The following CHD1L variants were observed in gnomAD, a reference collection of about 807,000 sequenced individuals.
The protein encoded by CHD1L is chromodomain helicase DNA binding protein 1 like.
A neutral mutation model predicts 115.9 loss-of-function variants in CHD1L; 118 were observed. The ratio of observed to expected loss-of-function variants is 1.02; its 90% confidence interval spans 0.88 to 1.19. CHD1L has a LOEUF of 1.19. CHD1L is among the 50% of genes most tolerant of loss of function. The pLI is 0.00. For missense variants in CHD1L, 1,179 were observed against 1,065.3 expected, an observed-to-expected ratio of 1.11 and a Z score of -1.49; for synonymous variants, 411 against 387.1, an observed-to-expected ratio of 1.06 and a Z score of -0.72.
intron 11 of CHD1L, among the ~76,000 whole-genome samples, 183 bp from the exon 12 acceptor site, chr1:147,271,988 A>G (rs2102675793): frequency 6.6e-6 from 1 of 152,340 alleles, no homozygotes. Context: ...ATGGTGAGTT[A>G]TTTTGTAAAA....
chr1:147,193,528 T>A, the CHD1L span, among the ~76,000 whole-genome samples: 1 of 152,178 alleles, frequency 6.6e-6, no homozygotes, highest in Non-Finnish European at 1.5e-5. Flanking sequence ...CTGATTTTAG[T>A]TATTTCTTGC....
Position 147,259,916 on chromosome 1 carries a change from G to C in CHD1L, c.574G>C (p.Glu192Gln). ...QSSLLHKTLSEFSVVFSLLLT... is the reference protein window; with the variant it reads ...QSSLLHKTLSQFSVVFSLLLT... ...CTCCCTGCTGCATAAGACCTTGTCA[G>C]AGGTAAACTTACAGTGTAGCCTTAG... The change falls in exon 6 of 23, where the codon GAG becomes CAG. Residue 192 changes from glutamate to glutamine, a missense_variant and splice_region_variant. Physicochemically the swap from Glu to Gln is conservative, Grantham distance 29. Transcript: ENST00000369258. 6.2e-7 allele frequency: 1 copy of C among 1,612,260 alleles called. No individual in the cohort carries two copies. The highest frequency in any genetic ancestry group is 1.1e-5 in the South Asian group (1 of 90,934).
intron 1 of CHD1L, among the ~76,000 whole-genome samples, chr1:147,252,285 G>T (rs1668640928): frequency 6.6e-6 from 1 of 152,182 alleles, no homozygotes; most frequent in South Asian, 2.1e-4. Flanking sequence ...TTGTTAAGTT[G>T]CATCAGTAAT....
the CHD1L span, among the ~76,000 whole-genome samples, chr1:147,228,637 G>A: frequency 2.0e-5 from 3 of 152,212 alleles, no homozygotes; most frequent in Admixed American, 2.0e-4. Flanking sequence ...CAGTGTAAAA[G>A]TGTTCCTATT....
At chr1:147,262,916 T>G (rs1672477908) in intron 6 of CHD1L, among the ~76,000 whole-genome samples, 1 of 152,170 alleles carries the variant, frequency 6.6e-6, no homozygotes, top group Non-Finnish European at 1.5e-5. Flanking sequence ...TAATGGTGTA[T>G]GTGCTGCCAT....
At position 147,259,876 on chromosome 1, in the gene CHD1L, G is replaced by T; in HGVS notation, c.534G>T (p.Arg178Ser). ...WSVLVVDEAH[R>S]LKNQSSLLHK... is the part of the protein sequence containing the mutation. ...TTCTTGTTGTGGATGAAGCTCACAGGTTGAAAAACCAAAGCTCCCTGCTGC... is the reference window on the plus strand; with the variant it reads ...TTCTTGTTGTGGATGAAGCTCACAGTTTGAAAAACCAAAGCTCCCTGCTGC... The change falls in exon 6 of 23, where the codon AGG becomes AGT. Residue 178 changes from arginine to serine, a missense_variant. Coordinates refer to ENST00000369258, the MANE Select transcript of CHD1L (RefSeq NM_004284.6). 1 of 1,613,856 alleles carries T rather than the reference G, an allele frequency of 6.2e-7. No individual in the cohort carries two copies. Among genetic ancestry groups the T allele is most frequent in the Non-Finnish European group, 8.5e-7 (1 of 1,179,808 alleles).
the CHD1L span, among the ~76,000 whole-genome samples, chr1:147,228,656 T>A: frequency 6.6e-6 from 1 of 152,190 alleles, no homozygotes; most frequent in Non-Finnish European, 1.5e-5. Context: ...TTTCTCCACA[T>A]CCTCTCCAGC....
At position 147,286,422 on chromosome 1, in the gene CHD1L, A is replaced by G; in HGVS notation, c.2143A>G (p.Thr715Ala). 1.9e-6 allele frequency: 3 copies of G among 1,614,116 alleles called. No individual in the cohort carries two copies. The highest frequency in any genetic ancestry group is 1.7e-4 in the Middle Eastern group (1 of 6,046). ...AELDYQDPDA[T>A]SLKYVSGDVT... ...GCTGGATTACCAAGACCCAGATGCT[A>G]CTTCCCTCAAGTACGTTAGTGGTGA... The change falls in exon 18 of 23, where the codon ACT (threonine) becomes GCT (alanine). Residue 715 changes from threonine (T) to alanine (A), a missense_variant. Transcript: ENST00000369258.
chr1:147,202,419 A>C, the CHD1L span, among the ~76,000 whole-genome samples: 1 of 145,952 alleles, frequency 6.9e-6, no homozygotes, highest in Non-Finnish European at 1.5e-5. Flanking sequence ...TCCCAGGTTC[A>C]AGTGATTCTG....
At chr1:147,212,990 G>A in the CHD1L span, among the ~76,000 whole-genome samples, 2 of 151,736 alleles carry the variant, frequency 1.3e-5, no homozygotes, top group African/African-American at 4.8e-5. Context: ...CAATATTTGT[G>A]TTTACTGCTG....
At chr1:147,198,925 A>T in the CHD1L span, among the ~76,000 whole-genome samples, 2 of 151,490 alleles carry the variant, frequency 1.3e-5, no homozygotes, top group African/African-American at 4.8e-5. Flanking sequence ...TTGTGGAGGA[A>T]CTTTAATGCC....
At chr1:147,183,108 G>A in the CHD1L span, among the ~76,000 whole-genome samples, 1 of 152,192 alleles carries the variant, frequency 6.6e-6, no homozygotes, top group Admixed American at 6.5e-5. Context: ...TGAGGCAGGA[G>A]AATGGCGTGA....
chr1:147,246,196 CT>C (rs1197138022), intron 1 of CHD1L, among the ~76,000 whole-genome samples: 4 of 152,168 alleles, frequency 2.6e-5, no homozygotes, highest in Admixed American at 1.3e-4. Context: ...GAGTAATTCT[CT>C]GGAGATTCAT....
At chr1:147,203,729 A>T in the CHD1L span, 3 of 1,533,446 alleles carry the variant, frequency 2.0e-6, no homozygotes, top group African/African-American at 2.7e-5. Context: ...ATCCCTTGTA[A>T]GAACTTTGAA....
the CHD1L span, among the ~76,000 whole-genome samples, chr1:147,197,876 A>C: frequency 4.2e-3 from 637 of 152,298 alleles, 18 homozygotes; most frequent in Admixed American, 0.033. Flanking sequence ...GGCCTGGTAC[A>C]TACTAAAAGG....
At chr1:147,252,065 AAG>A (rs1668583768) in intron 1 of CHD1L, among the ~76,000 whole-genome samples, 1 of 152,174 alleles carries the variant, frequency 6.6e-6, no homozygotes, top group African/African-American at 2.4e-5. Flanking sequence ...AAAAGAGAGT[AAG>A]TTCCGTATTA....
intron 22 of CHD1L, among the ~76,000 whole-genome samples, chr1:147,294,811 A>T (rs1430384853): frequency 6.6e-6 from 1 of 152,250 alleles, no homozygotes; most frequent in Non-Finnish European, 1.5e-5. Flanking sequence ...TGAGTCTGTC[A>T]CATCACTTCT....
At chr1:147,256,788 T>C (rs1304927693) in intron 5 of CHD1L, among the ~76,000 whole-genome samples, 3 of 152,186 alleles carry the variant, frequency 2.0e-5, no homozygotes, top group African/African-American at 7.2e-5. Context: ...AGCTTCTTCA[T>C]CTGTAAAATG....
the CHD1L span, among the ~76,000 whole-genome samples, chr1:147,235,383 A>T: frequency 6.6e-6 from 1 of 152,014 alleles, no homozygotes; most frequent in African/African-American, 2.4e-5. Context: ...TTGTGAAAAA[A>T]TTTTCATTTA....
Sources: allele counts gnomAD v4.1 joint callset (sites outside exome capture counted in the v4.1 genomes callset), GRCh38; gene constraint gnomAD v4.1.1; transcripts MANE v1.5; gene names NCBI Gene and HGNC (gene_info 2026-07-23, HGNC 2026-07-21).